The following PKIB variants were observed in gnomAD, a reference collection of about 807,000 sequenced individuals.
The protein encoded by PKIB is PKI-beta.
PKIB carries 2 observed loss-of-function variants against 4.5 expected under a neutral mutation model. The observed-to-expected ratio is 0.44, with a 90% CI of 0.18 to 1.39. The LOEUF (loss-of-function observed/expected upper bound fraction) is 1.39, where lower values mean the gene tolerates loss of function less well. Ranked by LOEUF, PKIB falls within the 40% of genes most tolerant of loss-of-function variation. The probability of loss-of-function intolerance (pLI) is 0.27; values close to 1 mark genes in which losing one functional copy is unlikely to be tolerated. For synonymous variants in PKIB, 38 were observed against 36.0 expected (o/e 1.06, Z -0.20); for missense variants, 94 against 92.6 (o/e 1.02, Z -0.06).
At chr6:122,528,335 C>T (rs1429688350) in intron 2 of PKIB, among the ~76,000 whole-genome samples, 2 of 151,996 alleles carry the variant, frequency 1.3e-5, no homozygotes, top group African/African-American at 4.8e-5. Context: ...TGTTTTTTAT[C>T]CATTCAGTCA....
chr6:122,649,618 G>T (rs1057021860), intron 2 of PKIB, among the ~76,000 whole-genome samples: 1 of 152,124 alleles, frequency 6.6e-6, no homozygotes, highest in Admixed American at 6.5e-5. Flanking sequence ...ACTTCCATTT[G>T]ATATTGGGGT....
At chr6:122,489,222 T>TTTATTA (rs61079139) in intron 2 of PKIB, among the ~76,000 whole-genome samples, 12 of 148,992 alleles carry the variant, frequency 8.1e-5, no homozygotes, top group South Asian at 2.1e-4. Context: ...TAGTATTTCA[T>TTTATTA]TTATTATTAT....
At chr6:122,536,974 A>G (rs937153240) in intron 2 of PKIB, among the ~76,000 whole-genome samples, 2 of 150,892 alleles carry the variant, frequency 1.3e-5, no homozygotes, top group African/African-American at 2.4e-5. Flanking sequence ...AAAAAAATCC[A>G]TATTTCTAAC....
chr6:122,623,995 A>G (rs9388105), intron 1 of PKIB, among the ~76,000 whole-genome samples: 90,982 of 151,934 alleles, frequency 0.6, 28,828 homozygotes, highest in Non-Finnish European at 0.71. Context: ...TAAACCTCCT[A>G]ACAACTCTAT....
At chr6:122,617,075 C>T (rs1389540680) in intron 1 of PKIB, among the ~76,000 whole-genome samples, 1 of 152,124 alleles carries the variant, frequency 6.6e-6, no homozygotes, top group Non-Finnish European at 1.5e-5. Context: ...ACCTTCTTAG[C>T]CAGTGGCTGA....
chr6:122,680,504 A>G (rs80272500), intron 3 of PKIB, among the ~76,000 whole-genome samples: 234 of 152,190 alleles, frequency 1.5e-3, no homozygotes, highest in African/African-American at 5.2e-3. Flanking sequence ...GGAAGATTAG[A>G]GTCATATTTT....
At chr6:122,483,481 T>C (rs964234953) in intron 2 of PKIB, 1 of 152,136 alleles carries the variant, frequency 6.6e-6, no homozygotes, top group Non-Finnish European at 1.5e-5. Context: ...GTTTTCTGGT[T>C]AGAGTCCTCT....
At chr6:122,552,310 A>G (rs369201669) in intron 2 of PKIB, among the ~76,000 whole-genome samples, 1 of 152,142 alleles carries the variant, frequency 6.6e-6, no homozygotes, top group South Asian at 2.1e-4. Context: ...GCCAGGTAGC[A>G]TAACCCAGCG....
chr6:122,648,296 T>C (rs1220773191), intron 2 of PKIB, among the ~76,000 whole-genome samples: 1 of 152,348 alleles, frequency 6.6e-6, no homozygotes, highest in Non-Finnish European at 1.5e-5. Flanking sequence ...AGTGTAATAA[T>C]TAGTGATGCC....
At chr6:122,555,253 C>A (rs1297357918) in intron 2 of PKIB, among the ~76,000 whole-genome samples, 70 of 152,018 alleles carry the variant, frequency 4.6e-4, no homozygotes, top group Admixed American at 4.5e-3. Flanking sequence ...AGCAGAGGAG[C>A]AAAGTCATTT....
Position 122,725,970 on chromosome 6 carries a change from T to C in PKIB, c.*775T>C, listed in dbSNP as rs894933921. 2 of 152,188 alleles carry C rather than the reference T, an allele frequency of 1.3e-5. No homozygotes were observed. Among genetic ancestry groups the C allele is most frequent in the African/African-American group, 4.8e-5 (2 of 41,458 alleles). 9.4% of individuals were successfully genotyped at this position (152,188 alleles called of 1,614,324 possible). The stretch of plus-strand genomic sequence containing the variant: ...ACTAGTTGTTTTACACTCTCTTTTC[T>C]TATTCTTAGGGCTTTTGTGTATGTC... On this transcript the variant is annotated 3_prime_UTR_variant, in exon 5 of 5. Coordinates refer to ENST00000368452, the MANE Select transcript of PKIB (RefSeq NM_181795.3).
At chr6:122,571,057 C>A (rs1368144423) in intron 2 of PKIB, among the ~76,000 whole-genome samples, 2 of 147,396 alleles carry the variant, frequency 1.4e-5, no homozygotes, top group African/African-American at 5.2e-5. Flanking sequence ...TAAAAAAAAA[C>A]AATCAGAACT....
At chr6:122,625,644 A>G (rs1216638118) in intron 1 of PKIB, among the ~76,000 whole-genome samples, 1 of 151,742 alleles carries the variant, frequency 6.6e-6, no homozygotes, top group African/African-American at 2.4e-5. Flanking sequence ...TCCAAAAATA[A>G]TAATAATAAT....
rs1777564466 is a variant in PKIB, at chr6:122,540,593, A to G, written c.-247-45328A>G. ...TTTTACATTTGCTGAGGAGTGCTTTACTTCCAACTATGTGGTCAATTTTGG... is the reference window on the plus strand; with the variant it reads ...TTTTACATTTGCTGAGGAGTGCTTTGCTTCCAACTATGTGGTCAATTTTGG... On this transcript the variant is annotated intron_variant, in intron 2 of 6. Coordinates refer to the PKIB transcript ENST00000392491. Among the ~76,000 whole-genome samples the G allele has an allele frequency of 2.0e-5, 3 of 151,804 alleles. No individual in the cohort carries two copies. The South Asian group carries it at 6.2e-4, about 32-fold the overall frequency.
intron 2 of PKIB, among the ~76,000 whole-genome samples, chr6:122,499,357 TCAC>T (rs1361218888): frequency 1.3e-5 from 2 of 152,114 alleles, no homozygotes; most frequent in African/African-American, 2.4e-5. Flanking sequence ...CAAAATTTAT[TCAC>T]CACATCAAGT....
chr6:122,688,717 C>A (rs1217292920), intron 3 of PKIB, among the ~76,000 whole-genome samples: 1 of 151,272 alleles, frequency 6.6e-6, no homozygotes, highest in African/African-American at 2.4e-5. Flanking sequence ...AGAAATTTAT[C>A]CATTTCTTCT....
intron 3 of PKIB, among the ~76,000 whole-genome samples, chr6:122,713,582 A>G (rs908393577): frequency 2.0e-5 from 3 of 152,196 alleles, no homozygotes; most frequent in East Asian, 1.9e-4. Flanking sequence ...CTAACAACAG[A>G]CAAATGAGAG....
At chr6:122,616,132 G>A (rs1436730027) in intron 1 of PKIB, among the ~76,000 whole-genome samples, 1 of 152,140 alleles carries the variant, frequency 6.6e-6, no homozygotes, top group Non-Finnish European at 1.5e-5. Flanking sequence ...GGAAGCACAT[G>A]GAATCAGAAG....
chr6:122,641,035 C>T (rs1776100780), intron 2 of PKIB, among the ~76,000 whole-genome samples: 1 of 152,138 alleles, frequency 6.6e-6, no homozygotes, highest in African/African-American at 2.4e-5. Context: ...ATAATGTCTG[C>T]TTAAAGTCTC....
Sources: gnomAD v4.1 joint callset for allele counts (sites outside exome capture counted in the v4.1 genomes callset) on GRCh38, gnomAD v4.1.1 for gene constraint, MANE v1.5 for transcripts, NCBI Gene and HGNC (gene_info 2026-07-23, HGNC 2026-07-21) for gene names.